The following ABL1 variants were observed in gnomAD, a reference collection of about 807,000 sequenced individuals.
ABL1 encodes the protein ABL proto-oncogene 1, non-receptor tyrosine kinase, also known as tyrosine-protein kinase ABL1.
A neutral mutation model predicts 94.7 loss-of-function variants in ABL1; 11 were observed. That is an observed-to-expected ratio of 0.12 (90% CI 0.07 to 0.19). The LOEUF (loss-of-function observed/expected upper bound fraction) is 0.19. Among genes scored for constraint, ABL1 ranks in the 10% least tolerant of loss-of-function variants. The probability of loss-of-function intolerance (pLI) is 1.00; values close to 1 mark genes in which losing one functional copy is unlikely to be tolerated. For synonymous variants in ABL1, 656 were observed against 622.4 expected (o/e 1.05, Z -0.80); for missense variants, 1,082 against 1,489.4 (o/e 0.73, Z 4.50).
intron 1 of ABL1, among the ~76,000 whole-genome samples, chr9:130,826,934 C>T (rs1055846774): frequency 1.3e-5 from 2 of 152,098 alleles, no homozygotes; most frequent in Non-Finnish European, 2.9e-5. Context: ...AAAAATTAGC[C>T]GGGCGTGGTG....
chr9:130,785,184 G>C (rs1051042516), intron 1 of ABL1, among the ~76,000 whole-genome samples: 1 of 152,218 alleles, frequency 6.6e-6, no homozygotes, highest in Non-Finnish European at 1.5e-5. Flanking sequence ...GTCATGGTGG[G>C]AGGAGGGCGT....
At position 130,814,504 on chromosome 9, in the gene ABL1, A is replaced by G. The variant is rs1314916342; in HGVS notation, c.137-39560A>G. Among the ~76,000 whole-genome samples, 1 of 152,224 alleles carries G rather than the reference A, an allele frequency of 6.6e-6. No individual in the cohort carries two copies. The highest frequency in any genetic ancestry group is 2.4e-5 in the African/African-American group (1 of 41,460). ...ATCACACAGATTCTAAAGATATTGA[A>G]AGTGTAATAACTGAATATTGATCAG... On this transcript the variant is annotated intron_variant, in intron 1 of 10. Transcript: ENST00000372348. This position sits in a 1 kb window ranked among gnomAD's most constrained non-coding sequence, Gnocchi z 4.4.
At chr9:130,817,368 C>T (rs1830301086) in intron 1 of ABL1, among the ~76,000 whole-genome samples, 1 of 152,234 alleles carries the variant, frequency 6.6e-6, no homozygotes, top group Non-Finnish European at 1.5e-5. Flanking sequence ...CTGGTCCAAG[C>T]AAGCATTAGG....
Position 130,739,931 on chromosome 9 carries a change from G to A in ABL1, c.136+25476G>A, listed in dbSNP as rs550785539. ...AAAAAATAACAATAAAAAATGTGTAGTCACAATGTTAAAGTGAATCAGAAG... is the reference window on the plus strand; with the variant it reads ...AAAAAATAACAATAAAAAATGTGTAATCACAATGTTAAAGTGAATCAGAAG... On this transcript the variant is annotated intron_variant, in intron 1 of 10. Coordinates refer to the ABL1 transcript ENST00000372348. 3.9e-5 allele frequency among the ~76,000 whole-genome samples: 6 copies of A among 152,274 alleles called. No individual in the cohort carries two copies. The East Asian group carries it at 1.2e-3, about 29-fold the overall frequency.
intron 1 of ABL1, among the ~76,000 whole-genome samples, chr9:130,809,592 A>G (rs1830179671): frequency 6.6e-6 from 1 of 152,222 alleles, no homozygotes; most frequent in South Asian, 2.1e-4. Flanking sequence ...CTCAAGACCC[A>G]GGCAGAGCCA....
At chr9:130,741,716 G>A (rs7025200) in intron 1 of ABL1, among the ~76,000 whole-genome samples, 4 of 152,126 alleles carry the variant, frequency 2.6e-5, no homozygotes, top group East Asian at 1.9e-4. Flanking sequence ...AACAGTTACC[G>A]CACTGGTATA....
chr9:130,776,704 A>T (rs1829663535), intron 1 of ABL1, among the ~76,000 whole-genome samples: 1 of 152,074 alleles, frequency 6.6e-6, no homozygotes, highest in African/African-American at 2.4e-5. Context: ...GGGCTAGTGT[A>T]GACAAGCTAC....
At chr9:130,819,532 C>CTTTTT (rs34341889) in intron 1 of ABL1, among the ~76,000 whole-genome samples, 1 of 96,284 alleles carries the variant, frequency 1.0e-5, no homozygotes, top group Non-Finnish European at 1.9e-5. Context: ...AGAAAAATAC[C>CTTTTT]TTTTTTTTTT....
intron 7 of ABL1, among the ~76,000 whole-genome samples, chr9:130,877,808 ATTT>A (rs34577725): frequency 0.11 from 14,093 of 129,278 alleles, 1,515 homozygotes; most frequent in African/African-American, 0.13. Flanking sequence ...ACCTGGCTAA[ATTT>A]TTTTTTTTTT....
chr9:130,754,507 C>CA lies in ABL1; in HGVS notation c.136+40075dup, dbSNP rs34396002. On this transcript the variant is annotated intron_variant, in intron 1 of 10. Transcript: ENST00000372348. ...TGGGCGACAGAGCGAGACTCCGTCTCAAAAAAAAAAAAAAAAAAAAAAATT... is the reference window on the plus strand; with the variant it reads ...TGGGCGACAGAGCGAGACTCCGTCTCAAAAAAAAAAAAAAAAAAAAAAAATT... 7.8e-3 allele frequency among the ~76,000 whole-genome samples: 607 copies of CA among 77,964 alleles called. 10 individuals carry two copies. The highest frequency in any genetic ancestry group is 0.01 in the East Asian group (27 of 2,638). The allele number at this position is 77,964 out of a possible 152,430, so 51.1% of individuals were successfully genotyped here.
chr9:130,737,276 T>C (rs1434417248), intron 1 of ABL1, among the ~76,000 whole-genome samples: 2 of 152,184 alleles, frequency 1.3e-5, no homozygotes, highest in Non-Finnish European at 2.9e-5. Context: ...TTTATTTATG[T>C]ATTTATTTTG....
intron 1 of ABL1, among the ~76,000 whole-genome samples, chr9:130,827,934 T>TAAATAAAG (rs1420546169): frequency 6.8e-6 from 1 of 146,126 alleles, no homozygotes; most frequent in African/African-American, 2.6e-5. Flanking sequence ...AATAAATAAA[T>TAAATAAAG]AAAGCTATGC....
At chr9:130,822,096 C>T (rs955611417) in intron 1 of ABL1, among the ~76,000 whole-genome samples, 8 of 152,218 alleles carry the variant, frequency 5.3e-5, no homozygotes, top group African/African-American at 1.9e-4. Context: ...CCTCGGCCTC[C>T]CAAAGTGCTG....
At chr9:130,834,899 GGCA>G, upstream of ABL1, 1 of 455,952 alleles carries the variant, frequency 2.2e-6, no homozygotes, top group Non-Finnish European at 4.4e-6. Flanking sequence ...GGGTTTGCCT[GGCA>G]CCGCGTACTG....
chr9:130,737,097 T>G (rs144633700), intron 1 of ABL1, among the ~76,000 whole-genome samples: 19 of 152,218 alleles, frequency 1.2e-4, no homozygotes, highest in African/African-American at 4.1e-4. Context: ...TATCAGTTTT[T>G]TTGTTTTGTT....
chr9:130,884,344 A>C lies in ABL1; in HGVS notation c.2054A>C (p.His685Pro), dbSNP rs1442339978. Residue 685 changes from histidine to proline, a missense_variant, in exon 11 of 11, where the codon CAC (histidine) becomes CCC (proline). Physicochemically the swap from His to Pro is moderately conservative, Grantham distance 77. Transcript: ENST00000318560. The surrounding 1 kb of genome is among the most constrained non-coding windows in gnomAD (Gnocchi z 5.6). ...ESGGSGFRSPHLWKKSSTLTS... is the reference protein window; with the variant it reads ...ESGGSGFRSPPLWKKSSTLTS... ...GGGGGCTCAGGCTTCCGGTCTCCCC[A>C]CCTGTGGAAGAAGTCCAGCACGCTG... 6.2e-7 allele frequency: 1 copy of C among 1,612,124 alleles called. No individual in the cohort carries two copies. The highest frequency in any genetic ancestry group is 1.7e-5 in the Admixed American group (1 of 59,986).
intron 1 of ABL1, among the ~76,000 whole-genome samples, chr9:130,829,694 CTA>C (rs1168974776): frequency 4.0e-5 from 6 of 151,292 alleles, no homozygotes; most frequent in African/African-American, 1.5e-4. Context: ...ATATAGAAGA[CTA>C]AATGAAAACA....
rs111749969 is a variant in ABL1, at chr9:130,847,373, C to CT, written c.80-6681dup. Among the ~76,000 whole-genome samples, 889 of 148,892 alleles carry CT rather than the reference C, an allele frequency of 6.0e-3. 20 individuals are homozygous for CT. The highest frequency in any genetic ancestry group is 3.8e-3 in the African/African-American group (154 of 40,780). On this transcript the variant is annotated intron_variant, in intron 1 of 10. Transcript: ENST00000318560. ...AGAAGAAGGGAACTAGTTGGGGCAT[C>CT]TTTTTTTTTTGAATGAAGCCTTCAG...
intron 1 of ABL1, among the ~76,000 whole-genome samples, chr9:130,807,859 G>A (rs1360355334): frequency 5.3e-5 from 8 of 150,776 alleles, no homozygotes; most frequent in Middle Eastern, 3.4e-3. Context: ...CACCATGCCC[G>A]GCTAATTTTT....
Sources: gnomAD v4.1 joint callset for allele counts (sites outside exome capture counted in the v4.1 genomes callset) on GRCh38, gnomAD v4.1.1 for gene constraint, Gnocchi (gnomAD v3.1) non-coding constraint, MANE v1.5 for transcripts, NCBI Gene and HGNC (gene_info 2026-07-23, HGNC 2026-07-21) for gene names.